ROR1: variants seen among roughly 807,000 people sequenced by gnomAD.
ROR1 encodes inactive tyrosine-protein kinase transmembrane receptor ROR1.
ROR1 carries 19 observed loss-of-function variants against 78.8 expected under a neutral mutation model. That is an observed-to-expected ratio of 0.24 (90% confidence interval 0.17 to 0.35). ROR1 has a LOEUF of 0.35. Among genes scored for constraint, ROR1 ranks in the 10% least tolerant of loss-of-function variants. ROR1 has a pLI of 1.00. For synonymous variants in ROR1, 386 were observed against 433.6 expected, an observed-to-expected ratio of 0.89 and a Z score of 1.36; for missense variants, 917 against 1,177.8, an observed-to-expected ratio of 0.78 and a Z score of 3.24.
At chr1:64,017,115 C>A (rs971260195) in intron 2 of ROR1, among the ~76,000 whole-genome samples, 2 of 151,956 alleles carry the variant, frequency 1.3e-5, no homozygotes, top group African/African-American at 4.8e-5. Context: ...CCATGTTTCC[C>A]AGGCTTGTCT....
chr1:64,004,311 G>A (rs181846889), intron 1 of ROR1, among the ~76,000 whole-genome samples: 2 of 152,294 alleles, frequency 1.3e-5, no homozygotes, highest in East Asian at 3.9e-4. Flanking sequence ...ATAGATAAAA[G>A]TAGAGTTGTT....
At chr1:63,800,150 AG>A (rs1047171667) in intron 1 of ROR1, among the ~76,000 whole-genome samples, 1 of 152,204 alleles carries the variant, frequency 6.6e-6, no homozygotes, top group Non-Finnish European at 1.5e-5. Context: ...ACTGAGTCCC[AG>A]GGTTACCCTG....
At chr1:63,847,875 A>T (rs1044409639) in intron 1 of ROR1, among the ~76,000 whole-genome samples, 2 of 152,172 alleles carry the variant, frequency 1.3e-5, no homozygotes, top group African/African-American at 4.8e-5. Flanking sequence ...GTGCATGGGG[A>T]TGATTCTTCT....
chr1:63,876,518 G>T (rs538424976), intron 1 of ROR1, among the ~76,000 whole-genome samples: 11 of 152,040 alleles, frequency 7.2e-5, no homozygotes, highest in Non-Finnish European at 1.0e-4. Context: ...TAATTTTTAT[G>T]TCTGTAAGGG....
chr1:63,868,643 G>A (rs755235023), intron 1 of ROR1, among the ~76,000 whole-genome samples: 1 of 152,186 alleles, frequency 6.6e-6, no homozygotes, highest in African/African-American at 2.4e-5. Context: ...TTGACAAATG[G>A]CTGCTCTTAT....
chr1:63,888,138 A>G (rs907013924), intron 1 of ROR1, among the ~76,000 whole-genome samples: 1 of 152,174 alleles, frequency 6.6e-6, no homozygotes, highest in African/African-American at 2.4e-5. Context: ...TAAAAGCAGT[A>G]TCTATTGGTC....
chr1:63,775,127 T>C, intron 1 of ROR1, among the ~76,000 whole-genome samples: 1 of 152,022 alleles, frequency 6.6e-6, no homozygotes, highest in Non-Finnish European at 1.5e-5. Flanking sequence ...TTGTGCAAAA[T>C]GTGCTGTCAG....
intron 1 of ROR1, among the ~76,000 whole-genome samples, chr1:63,941,293 A>G (rs1258215118): frequency 6.6e-6 from 1 of 152,220 alleles, no homozygotes; most frequent in Non-Finnish European, 1.5e-5. Flanking sequence ...GATATGGTAT[A>G]TGCAACTTAT....
At chr1:63,981,689 A>T (rs892721336) in intron 1 of ROR1, among the ~76,000 whole-genome samples, 9 of 151,908 alleles carry the variant, frequency 5.9e-5, no homozygotes, top group African/African-American at 1.2e-4. Flanking sequence ...GGGTAGGAGG[A>T]TGTGTTGGGA....
chr1:64,114,835 A>G (rs1381279832), intron 4 of ROR1, among the ~76,000 whole-genome samples: 1 of 152,202 alleles, frequency 6.6e-6, no homozygotes, highest in Non-Finnish European at 1.5e-5. Context: ...GCCAAGGCTC[A>G]GGACATCATC....
intron 4 of ROR1, among the ~76,000 whole-genome samples, chr1:64,113,320 A>G (rs973501941): frequency 2.0e-5 from 3 of 152,202 alleles, no homozygotes; most frequent in Admixed American, 6.5e-5. Flanking sequence ...CACCATATCT[A>G]TGGAAAGAGT....
intron 1 of ROR1, among the ~76,000 whole-genome samples, chr1:63,850,269 T>C (rs1335684029): frequency 2.0e-5 from 3 of 151,298 alleles, no homozygotes; most frequent in Admixed American, 2.0e-4. Flanking sequence ...TATGACCATT[T>C]CACAATTAAT....
rs371601159 is a variant in ROR1, at chr1:64,178,209, G to C, written c.2168G>C (p.Ser723Thr). The stretch of plus-strand genomic sequence containing the variant: ...GAAGACTGCCCACCCAGAATGTACA[G>C]CCTCATGACAGAGTGCTGGAATGAG... ...CSEDCPPRMY[S>T]LMTECWNEIP... The change falls in exon 9 of 9, where the codon AGC (serine) becomes ACC (threonine). Residue 723 changes from serine to threonine, a missense_variant. Physicochemically the swap from Ser to Thr is moderately conservative, Grantham distance 58. This residue lies in a region of ROR1 where 835 missense variants were observed against 1,069.8 expected (regional missense o/e 0.78). Transcript: ENST00000371079. This position sits in a 1 kb window ranked among gnomAD's most constrained non-coding sequence, Gnocchi z 4.3. 289 of 1,614,124 alleles carry C rather than the reference G, an allele frequency of 1.8e-4. 9 individuals carry two copies. In the Middle Eastern group the frequency reaches 0.012, roughly 66 times the overall value.
chr1:63,789,399 A>G (rs1569711861), intron 1 of ROR1: 2 of 345,936 alleles, frequency 5.8e-6, no homozygotes, highest in East Asian at 1.2e-4. Flanking sequence ...GTGAATGGGG[A>G]CACCTGAGCA....
chr1:63,876,109 C>T (rs147035209), intron 1 of ROR1, among the ~76,000 whole-genome samples: 3 of 152,084 alleles, frequency 2.0e-5, no homozygotes, highest in East Asian at 3.9e-4. Context: ...AGGAGTCCCT[C>T]GTTCATTCTG....
intron 2 of ROR1, among the ~76,000 whole-genome samples, chr1:64,024,201 C>T (rs935319968): frequency 6.6e-6 from 1 of 152,156 alleles, no homozygotes; most frequent in African/African-American, 2.4e-5. Context: ...CAAATGGGAG[C>T]TGGGCGCAGT....
At chr1:63,802,934 C>T (rs1644805564) in intron 1 of ROR1, among the ~76,000 whole-genome samples, 2 of 152,204 alleles carry the variant, frequency 1.3e-5, no homozygotes, top group Non-Finnish European at 2.9e-5. Context: ...TTTTCTTTAA[C>T]CCAGTAAATC....
intron 1 of ROR1, among the ~76,000 whole-genome samples, chr1:63,934,700 T>A (rs994997680): frequency 2.9e-4 from 44 of 152,278 alleles, no homozygotes; most frequent in East Asian, 1.7e-3. Context: ...TTCCTTTTTT[T>A]AAAAAAGTAT....
intron 1 of ROR1, among the ~76,000 whole-genome samples, chr1:63,793,002 C>T (rs113075448): frequency 1.3e-5 from 2 of 152,234 alleles, no homozygotes; most frequent in African/African-American, 4.8e-5. Flanking sequence ...AATCCTCAGA[C>T]CCAGAATCTT....
Sources: gnomAD v4.1 joint callset for allele counts (sites outside exome capture counted in the v4.1 genomes callset) on GRCh38, gnomAD v4.1.1 for gene constraint, gnomAD v4.1.1 regional missense constraint, Gnocchi (gnomAD v3.1) non-coding constraint, MANE v1.5 for transcripts, NCBI Gene and HGNC (gene_info 2026-07-23, HGNC 2026-07-21) for gene names.